Variants in TMEM65 observed in about 807,000 individuals in gnomAD.
TMEM65 encodes the protein transmembrane protein 65.
In TMEM65, 22 loss-of-function variants were observed where a neutral mutation model predicts 25.4. That is an observed-to-expected ratio of 0.86 (90% CI 0.62 to 1.23). TMEM65 has a LOEUF of 1.23. TMEM65 is among the 50% of genes most tolerant of loss of function. The probability of loss-of-function intolerance (pLI) is 0.00; values close to 1 mark genes in which losing one functional copy is unlikely to be tolerated. For missense variants in TMEM65, 262 were observed against 308.2 expected (o/e 0.85, Z 1.12); for synonymous variants, 132 against 126.2 (o/e 1.05, Z -0.31).
intron 1 of TMEM65, among the ~76,000 whole-genome samples, chr8:124,339,958 T>C (rs145989946): frequency 2.2e-3 from 328 of 151,992 alleles, no homozygotes; most frequent in Non-Finnish European, 3.8e-3. Flanking sequence ...ACTTGTGAGG[T>C]GTATCAGAAA....
At chr8:124,328,635 G>A (rs757831028) in intron 2 of TMEM65, among the ~76,000 whole-genome samples, 3 of 152,014 alleles carry the variant, frequency 2.0e-5, no homozygotes, top group Non-Finnish European at 2.9e-5. Context: ...ATAGGTAAAA[G>A]ACTTTATTCT....
chr8:124,307,083 G>A lies in TMEM65; in HGVS notation c.*6877C>T, dbSNP rs1210524743. 1.3e-5 allele frequency: 2 copies of A among 152,200 alleles called. No individual in the cohort carries two copies. The highest frequency in any genetic ancestry group is 1.3e-4 in the Admixed American group (2 of 15,282). 9.4% of individuals were successfully genotyped at this position (152,200 alleles called of 1,614,324 possible). A position where few individuals can be genotyped will look rare whatever the true frequency, so the allele number is the denominator to read the frequency against. ...GATAAGATTAACTATAGTACATACT[G>A]CACTACTACCATAATTTCAGAGCTA... On this transcript the variant is annotated 3_prime_UTR_variant, in exon 7 of 7. Transcript: ENST00000297632.
intron 1 of TMEM65, among the ~76,000 whole-genome samples, chr8:124,333,499 C>G (rs62529968): frequency 1.4e-4 from 13 of 94,950 alleles, no homozygotes; most frequent in East Asian, 7.2e-4. Flanking sequence ...GTGTGTGTGT[C>G]TGTGTGTATT....
intron 1 of TMEM65, among the ~76,000 whole-genome samples, chr8:124,360,345 G>A (rs529011261): frequency 1.0e-4 from 15 of 147,132 alleles, no homozygotes; most frequent in Non-Finnish European, 1.8e-4. Context: ...CAGGAGAGTC[G>A]CTTGAACCCA....
At chr8:124,331,384 TATTA>T (rs367973837) in intron 1 of TMEM65, among the ~76,000 whole-genome samples, 87 of 147,132 alleles carry the variant, frequency 5.9e-4, no homozygotes, top group African/African-American at 1.8e-3. Context: ...TATTGATATA[TATTA>T]ATTAATATAT....
At position 124,306,437 on chromosome 8, in the gene TMEM65, G is replaced by A. The variant is rs1053988327; in HGVS notation, c.*7523C>T. The A allele has an allele frequency of 2.0e-5, 3 of 152,100 alleles. No homozygotes were observed. Among genetic ancestry groups the A allele is most frequent in the African/African-American group, 4.8e-5 (2 of 41,404 alleles). 9.4% of individuals were successfully genotyped at this position (152,100 alleles called of 1,614,324 possible). A position where few individuals can be genotyped will look rare whatever the true frequency, so the allele number is the denominator to read the frequency against. ...AGTCATAAAGTTGATTCTCAAACAC[G>A]GGTTTGAACTGCATAGGACCGCTTA... On this transcript the variant is annotated 3_prime_UTR_variant, in exon 7 of 7. Coordinates refer to ENST00000297632, the MANE Select transcript of TMEM65 (RefSeq NM_194291.3).
chr8:124,348,330 C>T (rs1366317814), intron 1 of TMEM65, among the ~76,000 whole-genome samples: 4 of 151,948 alleles, frequency 2.6e-5, no homozygotes, highest in Non-Finnish European at 4.4e-5. Flanking sequence ...TAGTTTCACA[C>T]ATATAACTTG....
At chr8:124,332,615 G>A (rs6980763) in intron 1 of TMEM65, among the ~76,000 whole-genome samples, 1 of 151,618 alleles carries the variant, frequency 6.6e-6, no homozygotes, top group South Asian at 2.1e-4. Flanking sequence ...CAAATGTTAA[G>A]AGAAAGAAAT....
At chr8:124,329,611 T>C (rs1307005270) in intron 2 of TMEM65, among the ~76,000 whole-genome samples, 1 of 152,036 alleles carries the variant, frequency 6.6e-6, no homozygotes, top group African/African-American at 2.4e-5. Context: ...TTAGTGTTTA[T>C]ACCTATATAA....
intron 2 of TMEM65, 57 bp from the exon 3 acceptor site, chr8:124,327,478 C>T: frequency 1.8e-6 from 2 of 1,139,168 alleles, no homozygotes; most frequent in Non-Finnish European, 1.3e-6. Context: ...CTTAGAATGA[C>T]AAAAACAGAT....
chr8:124,326,469 T>C (rs1001938787), intron 3 of TMEM65, among the ~76,000 whole-genome samples: 1 of 152,072 alleles, frequency 6.6e-6, no homozygotes, highest in African/African-American at 2.4e-5. Context: ...GGCCAATTTA[T>C]GTATCTGTGA....
chr8:124,337,247 A>T (rs1563593788), intron 1 of TMEM65, among the ~76,000 whole-genome samples: 1 of 151,946 alleles, frequency 6.6e-6, no homozygotes, highest in East Asian at 1.9e-4. Context: ...AAGCTCTTCC[A>T]AAAAATAGAT....
chr8:124,358,021 G>A (rs1377243796), intron 1 of TMEM65, among the ~76,000 whole-genome samples: 3 of 151,708 alleles, frequency 2.0e-5, no homozygotes, highest in Non-Finnish European at 4.4e-5. Context: ...GTAGAGACAC[G>A]GTTTCGCCAT....
In TMEM65 at chr8:124,315,025, A is replaced by C. The variant is rs1006772045; in HGVS notation, c.622-964T>G. Among the ~76,000 whole-genome samples, 3 of 152,134 alleles carry C rather than the reference A, an allele frequency of 2.0e-5. No individual in the cohort carries two copies. In the East Asian group the frequency reaches 5.8e-4, roughly 29 times the overall value. Reference sequence around the variant, plus strand: ...TTTGTAAATGGTTTTCAAAATTTGCATTCCTATGATGACTATCAAGTTTAT... The same window carrying C: ...TTTGTAAATGGTTTTCAAAATTTGCCTTCCTATGATGACTATCAAGTTTAT... On this transcript the variant is annotated intron_variant, in intron 6 of 6. Transcript: ENST00000297632.
At chr8:124,335,790 T>C (rs911413579) in intron 1 of TMEM65, among the ~76,000 whole-genome samples, 3 of 151,988 alleles carry the variant, frequency 2.0e-5, no homozygotes, top group Admixed American at 2.0e-4. Context: ...AATGTTCAAT[T>C]AAGCAAAAAG....
intron 6 of TMEM65, among the ~76,000 whole-genome samples, chr8:124,319,535 T>A (rs1586456086): frequency 6.6e-6 from 1 of 152,102 alleles, no homozygotes; most frequent in Admixed American, 6.6e-5. Flanking sequence ...ACCCTTTTTT[T>A]ATCATCCTCT....
chr8:124,344,016 T>C (rs1312703541), intron 1 of TMEM65, among the ~76,000 whole-genome samples: 1 of 152,206 alleles, frequency 6.6e-6, no homozygotes, highest in Non-Finnish European at 1.5e-5. Context: ...ATGATTCCAA[T>C]AATGGAGCCT....
At chr8:124,363,895 C>G (rs1814906574) in intron 1 of TMEM65, among the ~76,000 whole-genome samples, 1 of 141,484 alleles carries the variant, frequency 7.1e-6, no homozygotes, top group Non-Finnish European at 1.5e-5. Context: ...TGCACAGATT[C>G]TTCCCCACTT....
chr8:124,340,314 T>C (rs774082379), intron 1 of TMEM65, among the ~76,000 whole-genome samples: 43 of 152,202 alleles, frequency 2.8e-4, no homozygotes, highest in Non-Finnish European at 5.1e-4. Flanking sequence ...ATATGTGTGA[T>C]ATTTTCTATT....
Sources: gnomAD v4.1 joint callset for allele counts (sites outside exome capture counted in the v4.1 genomes callset) on GRCh38, gnomAD v4.1.1 for gene constraint, MANE v1.5 for transcripts, NCBI Gene and HGNC (gene_info 2026-07-23, HGNC 2026-07-21) for gene names.